The following ADAM32 variants were observed in gnomAD, a reference collection of about 807,000 sequenced individuals.
The protein encoded by ADAM32 is ADAM metallopeptidase domain 32.
Under a neutral mutation model 114.9 loss-of-function variants are expected in ADAM32, and 89 were observed. The observed-to-expected ratio is 0.77, with a 90% CI of 0.65 to 0.92. The LOEUF (loss-of-function observed/expected upper bound fraction) is 0.92. Among genes scored for constraint, ADAM32 ranks in the 40% least tolerant of loss-of-function variants. ADAM32 has a pLI of 0.00. For missense variants in ADAM32, 870 were observed against 932.8 expected, an observed-to-expected ratio of 0.93 and a Z score of 0.88; for synonymous variants, 285 against 307.5, an observed-to-expected ratio of 0.93 and a Z score of 0.77.
chr8:39,118,979 C>A (rs1264063439), intron 2 of ADAM32, among the ~76,000 whole-genome samples: 3 of 152,144 alleles, frequency 2.0e-5, no homozygotes, highest in African/African-American at 7.2e-5. Flanking sequence ...TCTTTAGGGG[C>A]ATTTTATATA....
intron 15 of ADAM32, among the ~76,000 whole-genome samples, chr8:39,233,570 C>T (rs185617149): frequency 1.8e-3 from 273 of 152,128 alleles, no homozygotes; most frequent in Middle Eastern, 3.4e-3. Context: ...TATCTTATGC[C>T]GATCTCCTGT....
At chr8:39,120,335 G>C (rs139737225) in intron 2 of ADAM32, among the ~76,000 whole-genome samples, 7 of 152,314 alleles carry the variant, frequency 4.6e-5, no homozygotes, top group Non-Finnish European at 8.8e-5. Context: ...GGGACTGTTG[G>C]TAGAAATATG....
intron 11 of ADAM32, among the ~76,000 whole-genome samples, chr8:39,187,860 G>A (rs1010886680): frequency 6.6e-6 from 1 of 152,072 alleles, no homozygotes; most frequent in African/African-American, 2.4e-5. Context: ...AAATGAAATA[G>A]GAAAGGGTTT....
At chr8:39,237,874 A>G (rs1810282643) in intron 16 of ADAM32, among the ~76,000 whole-genome samples, 1 of 152,164 alleles carries the variant, frequency 6.6e-6, no homozygotes, top group Non-Finnish European at 1.5e-5. Context: ...AAACTTGAAT[A>G]CTTACCTGGG....
chr8:39,203,265 C>T (rs1807563904), intron 11 of ADAM32, among the ~76,000 whole-genome samples: 1 of 152,164 alleles, frequency 6.6e-6, no homozygotes, highest in South Asian at 2.1e-4. Context: ...GTGTGGGAGT[C>T]TAAGTCTCTT....
At chr8:39,159,953 CT>C (rs973833571) in intron 6 of ADAM32, among the ~76,000 whole-genome samples, 4 of 152,078 alleles carry the variant, frequency 2.6e-5, no homozygotes, top group Non-Finnish European at 4.4e-5. Context: ...AACCCAGCAG[CT>C]TTTTTCCCCC....
chr8:39,196,294 A>T (rs991879930), intron 11 of ADAM32, among the ~76,000 whole-genome samples: 6 of 152,088 alleles, frequency 3.9e-5, no homozygotes, highest in African/African-American at 1.4e-4. Flanking sequence ...AGGAGGGAAA[A>T]TTTGACTTCT....
At chr8:39,267,302 C>T (rs1564721171) in intron 19 of ADAM32, among the ~76,000 whole-genome samples, 1 of 152,202 alleles carries the variant, frequency 6.6e-6, no homozygotes, top group Non-Finnish European at 1.5e-5. Context: ...GTTTACAGTT[C>T]CTTTTCTAGA....
At chr8:39,203,952 T>C (rs1296259104) in intron 11 of ADAM32, among the ~76,000 whole-genome samples, 1 of 152,182 alleles carries the variant, frequency 6.6e-6, no homozygotes, top group Non-Finnish European at 1.5e-5. Flanking sequence ...GAATGTTGAA[T>C]ATTGGCCCCC....
chr8:39,277,932 C>T (rs550835484), intron 22 of ADAM32, among the ~76,000 whole-genome samples: 140 of 152,300 alleles, frequency 9.2e-4, no homozygotes, highest in African/African-American at 3.2e-3. Context: ...CCAGTGAGGG[C>T]GAAGGGACAG....
At chr8:39,180,044 C>T (rs922597020) in intron 10 of ADAM32, among the ~76,000 whole-genome samples, 1 of 152,230 alleles carries the variant, frequency 6.6e-6, no homozygotes, top group Non-Finnish European at 1.5e-5. Context: ...CCCACCGCTG[C>T]ACTGTGGGAG....
rs11366445 is a variant in ADAM32, at chr8:39,272,101, G to GAAAAAAAAAAA, written c.2201+1197_2201+1207dup. Among the ~76,000 whole-genome samples the GAAAAAAAAAAA allele has an allele frequency of 2.8e-3, 187 of 65,738 alleles. 2 individuals are homozygous for GAAAAAAAAAAA. Among genetic ancestry groups the GAAAAAAAAAAA allele is most frequent in the Middle Eastern group, 8.3e-3 (1 of 120 alleles). 43.1% of individuals were successfully genotyped at this position (65,738 alleles called of 152,430 possible). A position where few individuals can be genotyped will look rare whatever the true frequency, so the allele number is the denominator to read the frequency against. On this transcript the variant is annotated intron_variant, in intron 20 of 24. Transcript: ENST00000379907. ...GAGCCATGATCGCCAGTGAGCTCCA[G>GAAAAAAAAAAA]AAAAAAAAAAAAAAAAAAAAGAAAG...
chr8:39,147,233 T>G (rs747091991), intron 4 of ADAM32, 28 bp downstream of exon 4: 31 of 937,752 alleles, frequency 3.3e-5, no homozygotes, highest in Non-Finnish European at 4.2e-6. Flanking sequence ...TGTTTTATAG[T>G]TTTTTTTAAA....
chr8:39,282,405 C>T (rs1230441502), intron 23 of ADAM32, among the ~76,000 whole-genome samples: 2 of 152,044 alleles, frequency 1.3e-5, no homozygotes, highest in Non-Finnish European at 2.9e-5. Flanking sequence ...ATAAAATATG[C>T]CATAATCATA....
At chr8:39,234,677 G>A (rs549515262) in intron 16 of ADAM32, among the ~76,000 whole-genome samples, 23 of 152,302 alleles carry the variant, frequency 1.5e-4, no homozygotes, top group East Asian at 7.7e-4. Context: ...TATTATTGCC[G>A]ATTGTTATCA....
At chr8:39,230,530 T>C (rs7016661) in intron 14 of ADAM32, among the ~76,000 whole-genome samples, 55,094 of 152,058 alleles carry the variant, frequency 0.36, 12,513 homozygotes, top group African/African-American at 0.65. Flanking sequence ...ATTCCTTTCT[T>C]CGGATAATCT....
At chr8:39,196,283 A>G (rs960198167) in intron 11 of ADAM32, among the ~76,000 whole-genome samples, 1 of 152,162 alleles carries the variant, frequency 6.6e-6, no homozygotes, top group Non-Finnish European at 1.5e-5. Context: ...TGTCACCTAC[A>G]AGGAGGGAAA....
At chr8:39,185,492 A>G (rs915356972) in intron 10 of ADAM32, among the ~76,000 whole-genome samples, 1 of 152,208 alleles carries the variant, frequency 6.6e-6, no homozygotes, top group Admixed American at 6.5e-5. Context: ...TAGTTTCCCA[A>G]CAGGTTTCAC....
At chr8:39,144,429 AG>A (rs1316808477) in intron 3 of ADAM32, among the ~76,000 whole-genome samples, 3 of 152,220 alleles carry the variant, frequency 2.0e-5, no homozygotes, top group Non-Finnish European at 4.4e-5. Context: ...GATTGACTAT[AG>A]TGGTGGCAGG....
Sources: gnomAD v4.1 joint callset for allele counts (sites outside exome capture counted in the v4.1 genomes callset) on GRCh38, gnomAD v4.1.1 for gene constraint, MANE v1.5 for transcripts, NCBI Gene and HGNC (gene_info 2026-07-23, HGNC 2026-07-21) for gene names.